ZFHX3: variants seen among roughly 807,000 people sequenced by gnomAD.
ZFHX3 encodes the protein zinc finger homeobox protein 3.
Under a neutral mutation model 279.1 loss-of-function variants are expected in ZFHX3, and 42 were observed. The ratio of observed to expected loss-of-function variants is 0.15; its 90% CI spans 0.12 to 0.19. The LOEUF (loss-of-function observed/expected upper bound fraction) is 0.19, where lower values mean the gene tolerates loss of function less well. Ranked by LOEUF, ZFHX3 falls within the 10% of genes least tolerant of loss-of-function variation. The pLI is 1.00. For missense variants in ZFHX3, 4,981 were observed against 4,754.0 expected, an observed-to-expected ratio of 1.05 and a Z score of -1.40; for synonymous variants, 2,293 against 1,957.8, an observed-to-expected ratio of 1.17 and a Z score of -4.52.
chr16:73,539,027 A>G (rs2019961734), intron 2 of ZFHX3, among the ~76,000 whole-genome samples: 1 of 152,192 alleles, frequency 6.6e-6, no homozygotes. Context: ...TATGATCCAG[A>G]GAGGGAAGAT....
chr16:72,999,128 A>G (rs1220974837), intron 1 of ZFHX3, among the ~76,000 whole-genome samples: 1 of 152,222 alleles, frequency 6.6e-6, no homozygotes, highest in Non-Finnish European at 1.5e-5. Flanking sequence ...AGAATAATCA[A>G]CTGAGGTGGT....
At chr16:72,967,760 C>CAAAAAACCCCGTCTCTACTAA (rs1961914428) in intron 1 of ZFHX3, among the ~76,000 whole-genome samples, 2 of 81,652 alleles carry the variant, frequency 2.4e-5, no homozygotes, top group Non-Finnish European at 5.6e-5. Flanking sequence ...ACTAAAAATA[C>CAAAAAACCCCGTCTCTACTAA]AAAAAAAAAA....
intron 1 of ZFHX3, among the ~76,000 whole-genome samples, chr16:73,833,003 A>T (rs1961039485): frequency 6.6e-6 from 1 of 152,230 alleles, no homozygotes; most frequent in South Asian, 2.1e-4. Flanking sequence ...AACATAACGG[A>T]ACAGAAGTCA....
At chr16:73,154,036 G>A (rs903763831) in intron 5 of ZFHX3, among the ~76,000 whole-genome samples, 4 of 152,120 alleles carry the variant, frequency 2.6e-5, no homozygotes, top group Non-Finnish European at 4.4e-5. Flanking sequence ...CAAATCACAC[G>A]TCTGCAGAGA....
intron 5 of ZFHX3, among the ~76,000 whole-genome samples, chr16:73,218,222 C>A (rs1051804254): frequency 2.6e-5 from 4 of 152,146 alleles, no homozygotes; most frequent in African/African-American, 9.7e-5. Flanking sequence ...GTGTCACAAC[C>A]ATGCCTAAAT....
At chr16:73,116,807 A>G (rs8052708) in intron 7 of ZFHX3, among the ~76,000 whole-genome samples, 1 of 152,178 alleles carries the variant, frequency 6.6e-6, no homozygotes, top group Non-Finnish European at 1.5e-5. Flanking sequence ...ACATTTTTCT[A>G]TCTCAAACCC....
chr16:72,915,688 AAGAGGT>A (rs1457904266), intron 3 of ZFHX3, among the ~76,000 whole-genome samples: 1 of 152,120 alleles, frequency 6.6e-6, no homozygotes, highest in Non-Finnish European at 1.5e-5. Context: ...ACTTGAGCCC[AAGAGGT>A]CAAGGCTCCA....
intron 4 of ZFHX3, among the ~76,000 whole-genome samples, chr16:73,265,715 A>C (rs754754110): frequency 1.3e-5 from 2 of 152,182 alleles, no homozygotes; most frequent in Non-Finnish European, 2.9e-5. Flanking sequence ...TTTCTGTCCT[A>C]AATGCAGATC....
intron 3 of ZFHX3, among the ~76,000 whole-genome samples, chr16:73,373,148 G>T (rs566677525): frequency 9.2e-5 from 14 of 152,052 alleles, no homozygotes; most frequent in Non-Finnish European, 1.3e-4. Flanking sequence ...GGTTTGGGGG[G>T]GGGGTGGTTC....
chr16:73,338,538 C>A (rs1409905001), intron 3 of ZFHX3, among the ~76,000 whole-genome samples: 1 of 152,076 alleles, frequency 6.6e-6, no homozygotes, highest in Non-Finnish European at 1.5e-5. Context: ...TCAGTTCTAT[C>A]AGGTCTACAA....
At chr16:73,615,287 G>A (rs1417165422) in intron 2 of ZFHX3, among the ~76,000 whole-genome samples, 1 of 152,064 alleles carries the variant, frequency 6.6e-6, no homozygotes, top group Non-Finnish European at 1.5e-5. Context: ...AACTAGAATA[G>A]CCAGAGATGA....
At chr16:73,302,318 C>G (rs1162469287) in intron 4 of ZFHX3, among the ~76,000 whole-genome samples, 1 of 151,814 alleles carries the variant, frequency 6.6e-6, no homozygotes, top group African/African-American at 2.4e-5. Flanking sequence ...ATTTAAAAAT[C>G]CATTCAATTG....
intron 1 of ZFHX3, among the ~76,000 whole-genome samples, chr16:73,857,009 A>C (rs906824546): frequency 2.6e-5 from 4 of 152,224 alleles, no homozygotes; most frequent in African/African-American, 9.6e-5. Context: ...ACAGACAAAC[A>C]GAGTGCCGAG....
intron 2 of ZFHX3, among the ~76,000 whole-genome samples, chr16:73,636,959 G>C (rs1597040005): frequency 6.6e-6 from 1 of 151,744 alleles, no homozygotes; most frequent in East Asian, 1.9e-4. Flanking sequence ...CAGAAATTTT[G>C]GGAACAAACA....
chr16:73,742,698 A>G (rs868728444), intron 1 of ZFHX3, among the ~76,000 whole-genome samples: 1 of 152,220 alleles, frequency 6.6e-6, no homozygotes, highest in South Asian at 2.1e-4. Flanking sequence ...TAACCACTGC[A>G]AAAAGATTGT....
chr16:73,025,013 C>CG (rs1432935109), intron 1 of ZFHX3, among the ~76,000 whole-genome samples: 3 of 152,180 alleles, frequency 2.0e-5, no homozygotes, highest in African/African-American at 7.2e-5. Flanking sequence ...CAGCCCTCTC[C>CG]CACATATGAT....
At chr16:72,937,303 G>A (rs1299451807) in intron 3 of ZFHX3, among the ~76,000 whole-genome samples, 1 of 152,182 alleles carries the variant, frequency 6.6e-6, no homozygotes, top group Non-Finnish European at 1.5e-5. Context: ...AAGGGGCTCT[G>A]GGACAAGCCT....
intron 1 of ZFHX3, among the ~76,000 whole-genome samples, chr16:73,720,796 T>C (rs1317394958): frequency 6.6e-6 from 1 of 152,234 alleles, no homozygotes; most frequent in Non-Finnish European, 1.5e-5. Context: ...TAATTATTAA[T>C]ACTGCAAAAA....
chr16:73,001,606 G>A (rs1422874133), intron 1 of ZFHX3, among the ~76,000 whole-genome samples: 2 of 152,028 alleles, frequency 1.3e-5, no homozygotes, highest in Non-Finnish European at 2.9e-5. Context: ...TCAGCTCAGA[G>A]GTTCAAGACC....
Sources: allele counts gnomAD v4.1 joint callset (sites outside exome capture counted in the v4.1 genomes callset), GRCh38; gene constraint gnomAD v4.1.1; transcripts MANE v1.5; gene names NCBI Gene and HGNC (gene_info 2026-07-23, HGNC 2026-07-21).